Variants in CNTN6 observed in about 807,000 individuals in gnomAD.
The protein encoded by CNTN6 is contactin-6.
A neutral mutation model predicts 122.8 loss-of-function variants in CNTN6; 137 were observed. The observed-to-expected ratio is 1.12, with a 90% CI of 0.97 to 1.29. The LOEUF (loss-of-function observed/expected upper bound fraction) is 1.29, where lower values mean the gene tolerates loss of function less well. Ranked by LOEUF, CNTN6 falls within the 50% of genes most tolerant of loss-of-function variation. CNTN6 has a pLI of 0.00. For synonymous variants in CNTN6, 570 were observed against 426.0 expected (o/e 1.34, Z -4.16); for missense variants, 1,634 against 1,223.4 (o/e 1.34, Z -5.01).
At chr3:1,128,571 A>C (rs1294998765) in intron 1 of CNTN6, among the ~76,000 whole-genome samples, 1 of 152,012 alleles carries the variant, frequency 6.6e-6, no homozygotes, top group East Asian at 1.9e-4. Context: ...TAAGTATATA[A>C]ATCAACGATT....
At chr3:1,224,848 C>T (rs1215090523) in intron 3 of CNTN6, among the ~76,000 whole-genome samples, 1 of 152,132 alleles carries the variant, frequency 6.6e-6, no homozygotes, top group Non-Finnish European at 1.5e-5. Context: ...CAGACTCAAG[C>T]AATTCTCCTG....
intron 1 of CNTN6, among the ~76,000 whole-genome samples, chr3:1,124,690 ATT>A (rs56320008): frequency 6.6e-6 from 1 of 151,402 alleles, no homozygotes; most frequent in South Asian, 2.1e-4. Flanking sequence ...CATTATTGAA[ATT>A]TTTTTTAAGA....
intron 4 of CNTN6, among the ~76,000 whole-genome samples, chr3:1,245,276 CACACACAT>C (rs2094558316): frequency 2.8e-4 from 2 of 7,086 alleles, no homozygotes; most frequent in South Asian, 4.4e-3. Flanking sequence ...TATATATATA[CACACACAT>C]ATATATATAA....
chr3:1,336,896 G>GGGAAAGT (rs144370173), intron 11 of CNTN6, among the ~76,000 whole-genome samples: 5,543 of 152,094 alleles, frequency 0.036, 342 homozygotes, highest in African/African-American at 0.13. Context: ...AAAGATCGTA[G>GGGAAAGT]GGAAAGTGGA....
intron 17 of CNTN6, 49 bp downstream of exon 17, chr3:1,377,124 G>T: frequency 1.5e-6 from 2 of 1,301,890 alleles, no homozygotes; most frequent in Non-Finnish European, 2.2e-6. Flanking sequence ...GATTTAACTG[G>T]CCAGAAAGAA....
At chr3:1,162,329 TG>T (rs2093153985) in intron 2 of CNTN6, among the ~76,000 whole-genome samples, 1 of 152,148 alleles carries the variant, frequency 6.6e-6, no homozygotes, top group African/African-American at 2.4e-5. Flanking sequence ...TTTGTGCACA[TG>T]GGAATTTCAG....
intron 2 of CNTN6, among the ~76,000 whole-genome samples, chr3:1,179,287 A>G (rs1359408257): frequency 1.3e-5 from 2 of 152,156 alleles, no homozygotes; most frequent in African/African-American, 4.8e-5. Context: ...ACTAAAGGTT[A>G]TATTTCAGCA....
At chr3:1,168,042 G>C (rs1308321107) in intron 2 of CNTN6, among the ~76,000 whole-genome samples, 2 of 152,100 alleles carry the variant, frequency 1.3e-5, no homozygotes, top group South Asian at 4.2e-4. Flanking sequence ...CAAGTAGTTG[G>C]TACTAGAGGT....
chr3:1,130,401 A>G (rs1014471104), intron 1 of CNTN6, among the ~76,000 whole-genome samples: 1 of 152,066 alleles, frequency 6.6e-6, no homozygotes, highest in African/African-American at 2.4e-5. Flanking sequence ...GCTTTCCTCC[A>G]AGCAAGAAAA....
rs1421135084 is a variant in CNTN6, at chr3:1,224,384, T to G, written c.183-3434T>G. ...AGAGGGATTATACTCAATGATAATG[T>G]ATTGTATATTTCAAAGGAGCTGGAA... On this transcript the variant is annotated intron_variant, in intron 3 of 22. Coordinates refer to ENST00000446702, the MANE Select transcript of CNTN6 (RefSeq NM_001289080.2). 2.6e-5 allele frequency among the ~76,000 whole-genome samples: 4 copies of G among 152,214 alleles called. No homozygotes were observed. In the South Asian group the frequency reaches 8.3e-4, roughly 32 times the overall value.
chr3:1,314,110 A>G (rs553453910), intron 7 of CNTN6, among the ~76,000 whole-genome samples: 1 of 152,206 alleles, frequency 6.6e-6, no homozygotes, highest in South Asian at 2.1e-4. Context: ...ACTCAGAGTA[A>G]AATAAAAATG....
At position 1,100,929 on chromosome 3, in the gene CNTN6, AT is replaced by A. The variant is rs375159437; in HGVS notation, c.-83+7810del. Among the ~76,000 whole-genome samples, 93 of 152,160 alleles carry A rather than the reference AT, an allele frequency of 6.1e-4. 1 individual carries two copies. The highest frequency in any genetic ancestry group is 2.1e-3 in the African/African-American group (88 of 41,526). ...TACTTATGTCTGCTGGATTTCCCTC[AT>A]GGTGGTTCATTCTTCCTGGTGCTCA... On this transcript the variant is annotated intron_variant, in intron 1 of 22. Coordinates refer to ENST00000446702, the MANE Select transcript of CNTN6 (RefSeq NM_001289080.2).
intron 1 of CNTN6, among the ~76,000 whole-genome samples, chr3:1,145,358 G>A (rs1188688489): frequency 6.6e-6 from 1 of 152,072 alleles, no homozygotes; most frequent in East Asian, 1.9e-4. Flanking sequence ...ATAATGACCT[G>A]GTCATATGCT....
At chr3:1,158,466 C>T (rs907202043) in intron 2 of CNTN6, among the ~76,000 whole-genome samples, 12 of 152,026 alleles carry the variant, frequency 7.9e-5, no homozygotes, top group Non-Finnish European at 1.5e-4. Context: ...ACAAATACTT[C>T]CTTCCATTCT....
chr3:1,205,929 A>G (rs1422516038), intron 2 of CNTN6, among the ~76,000 whole-genome samples: 1 of 152,186 alleles, frequency 6.6e-6, no homozygotes, highest in East Asian at 1.9e-4. Flanking sequence ...GAAAAATAGG[A>G]AAAAAATCAC....
chr3:1,280,851 C>T (rs1429731120), intron 5 of CNTN6, among the ~76,000 whole-genome samples: 1 of 152,056 alleles, frequency 6.6e-6, no homozygotes, highest in Non-Finnish European at 1.5e-5. Context: ...TGTTAAGGTC[C>T]CTGTTTCCTT....
At chr3:1,346,754 T>C (rs1346788626) in intron 11 of CNTN6, among the ~76,000 whole-genome samples, 2 of 152,138 alleles carry the variant, frequency 1.3e-5, no homozygotes, top group African/African-American at 4.8e-5. Flanking sequence ...GGGTAAAATA[T>C]TCCGCATTAG....
At chr3:1,380,740 C>T (rs1172682641) in intron 17 of CNTN6, among the ~76,000 whole-genome samples, 2 of 152,122 alleles carry the variant, frequency 1.3e-5, no homozygotes, top group Non-Finnish European at 2.9e-5. Context: ...GTCTCAAAAC[C>T]TTTATTTTCA....
At chr3:1,280,799 C>A (rs982171329) in intron 5 of CNTN6, among the ~76,000 whole-genome samples, 1 of 152,016 alleles carries the variant, frequency 6.6e-6, no homozygotes, top group African/African-American at 2.4e-5. Context: ...AGCATCTCAT[C>A]ATGATTCCAA....
Sources: gnomAD v4.1 joint callset for allele counts (sites outside exome capture counted in the v4.1 genomes callset) on GRCh38, gnomAD v4.1.1 for gene constraint, MANE v1.5 for transcripts, NCBI Gene and HGNC (gene_info 2026-07-23, HGNC 2026-07-21) for gene names.